Variants in TFDP2 observed in about 807,000 individuals in gnomAD.
TFDP2 encodes the protein transcription factor Dp-2.
Under a neutral mutation model 59.3 loss-of-function variants are expected in TFDP2, and 17 were observed. That is an observed-to-expected ratio of 0.29 (90% CI 0.20 to 0.43). The LOEUF is 0.43. Ranked by LOEUF, TFDP2 falls within the 20% of genes least tolerant of loss-of-function variation. The pLI is 1.00. For synonymous variants in TFDP2, 180 were observed against 194.7 expected (o/e 0.92, Z 0.63); for missense variants, 391 against 528.8 (o/e 0.74, Z 2.56).
At chr3:142,087,206 ACTGG>A (rs2060830811) in intron 3 of TFDP2, among the ~76,000 whole-genome samples, 2 of 152,238 alleles carry the variant, frequency 1.3e-5, no homozygotes, top group Non-Finnish European at 2.9e-5. Flanking sequence ...TCATGTGTCA[ACTGG>A]CAATGGGGAT....
intron 10 of TFDP2, among the ~76,000 whole-genome samples, chr3:141,960,392 C>G (rs971880959): frequency 6.6e-6 from 1 of 152,188 alleles, no homozygotes; most frequent in African/African-American, 2.4e-5. Flanking sequence ...ACATGTAATA[C>G]AAGCACGTTT....
intron 4 of TFDP2, among the ~76,000 whole-genome samples, chr3:141,996,310 A>G (rs1943269899): frequency 6.6e-6 from 1 of 152,218 alleles, no homozygotes; most frequent in Non-Finnish European, 1.5e-5. Flanking sequence ...GAATGGGGAT[A>G]TTAATGAAAC....
chr3:142,046,231 T>C (rs1051788561), intron 3 of TFDP2, among the ~76,000 whole-genome samples: 2 of 152,184 alleles, frequency 1.3e-5, no homozygotes, highest in South Asian at 4.1e-4. Context: ...CAGAATATAG[T>C]TCTCCCCTAG....
At chr3:142,063,420 A>G (rs1382914120) in intron 3 of TFDP2, among the ~76,000 whole-genome samples, 2 of 152,328 alleles carry the variant, frequency 1.3e-5, no homozygotes, top group East Asian at 1.9e-4. Context: ...CTACAAAATT[A>G]GCTATCATAT....
At chr3:142,115,919 C>A (rs572547851) in intron 1 of TFDP2, among the ~76,000 whole-genome samples, 64 of 152,200 alleles carry the variant, frequency 4.2e-4, no homozygotes, top group Non-Finnish European at 8.7e-4. Flanking sequence ...CTAGTGAAAT[C>A]CAAGTAGGAT....
intron 4 of TFDP2, among the ~76,000 whole-genome samples, chr3:141,996,305 G>C (rs867527172): frequency 6.6e-5 from 10 of 152,102 alleles, no homozygotes; most frequent in Non-Finnish European, 7.4e-5. Context: ...CCGGTGAATG[G>C]GGATATTAAT....
rs1306507508 is a variant in TFDP2, at chr3:141,952,679, C to T, written c.1175G>A (p.Cys392Tyr). Residue 392 changes from cysteine to tyrosine, a missense_variant, in exon 13 of 13, where the codon TGC becomes TAC. Coordinates refer to ENST00000489671, the MANE Select transcript of TFDP2 (RefSeq NM_001178139.2). The stretch of plus-strand genomic sequence containing the variant: ...TGCTAAGGCCACTTCTGCATCCAAG[C>T]ATAACCCTTGGTTTACACTAGCAAA... ...LPQSSVNQGLCLDAEVALATG... is the reference protein window; with the variant it reads ...LPQSSVNQGLYLDAEVALATG... 1 of 1,610,112 alleles carries T rather than the reference C, an allele frequency of 6.2e-7. No individual in the cohort carries two copies. Among genetic ancestry groups the T allele is most frequent in the Non-Finnish European group, 8.5e-7 (1 of 1,179,080 alleles).
intron 1 of TFDP2, among the ~76,000 whole-genome samples, chr3:142,134,041 GAA>G (rs756738906): frequency 8.6e-6 from 1 of 115,726 alleles, no homozygotes; most frequent in Non-Finnish European, 1.9e-5. Context: ...CTCCAGAAAA[GAA>G]AAAAAAAAAG....
chr3:142,058,806 G>C (rs2059824783), intron 3 of TFDP2, among the ~76,000 whole-genome samples: 1 of 152,072 alleles, frequency 6.6e-6, no homozygotes, highest in South Asian at 2.1e-4. Flanking sequence ...GTCATTTATG[G>C]GGTTTTATAG....
intron 9 of TFDP2, among the ~76,000 whole-genome samples, chr3:141,968,156 C>T (rs113027298): frequency 0.076 from 10,998 of 145,332 alleles, 515 homozygotes; most frequent in Non-Finnish European, 0.11. Flanking sequence ...TAGAATTCTA[C>T]AGGCAGGAGC....
intron 7 of TFDP2, 99 bp from the exon 8 acceptor site, chr3:141,974,290 G>A: frequency 1.9e-6 from 2 of 1,054,574 alleles, no homozygotes; most frequent in Non-Finnish European, 1.3e-6. Context: ...TCAAAGTGCT[G>A]GAAGGATTCT....
At chr3:142,038,139 C>T (rs967667115) in intron 3 of TFDP2, among the ~76,000 whole-genome samples, 2 of 152,256 alleles carry the variant, frequency 1.3e-5, no homozygotes, top group South Asian at 4.1e-4. Context: ...AATCCCAGCA[C>T]TCTGGGAGGC....
chr3:141,994,015 A>G (rs554585596), intron 5 of TFDP2, among the ~76,000 whole-genome samples: 14 of 152,368 alleles, frequency 9.2e-5, no homozygotes, highest in African/African-American at 3.4e-4. Context: ...TTTCAAGGCT[A>G]TAGAGAAATC....
chr3:142,026,100 G>A (rs6803884), intron 3 of TFDP2, among the ~76,000 whole-genome samples: 133,941 of 152,234 alleles, frequency 0.88, 59,198 homozygotes, highest in African/African-American at 0.97. Flanking sequence ...TCTCAAGGTC[G>A]GGAGATCGAG....
At chr3:141,965,584 A>AG in intron 9 of TFDP2, among the ~76,000 whole-genome samples, 1 of 146,144 alleles carries the variant, frequency 6.8e-6, no homozygotes, top group East Asian at 2.0e-4. Flanking sequence ...GGGAAGGGGA[A>AG]GGAAAGGGGA....
intron 1 of TFDP2, among the ~76,000 whole-genome samples, chr3:142,119,901 T>A (rs1305128627): frequency 7.0e-6 from 1 of 143,516 alleles, no homozygotes; most frequent in African/African-American, 2.6e-5. Context: ...ATACAAAAAA[T>A]TAGCTGGGCA....
intron 3 of TFDP2, among the ~76,000 whole-genome samples, chr3:142,028,111 G>A (rs1946223734): frequency 6.6e-6 from 1 of 152,160 alleles, no homozygotes; most frequent in South Asian, 2.1e-4. Flanking sequence ...GATTTCCAAG[G>A]ATCCTTGGGA....
intron 6 of TFDP2, among the ~76,000 whole-genome samples, chr3:141,992,062 A>AAAAG (rs779484853): frequency 2.1e-5 from 3 of 144,712 alleles, no homozygotes; most frequent in African/African-American, 7.4e-5. Context: ...AAAAAGAAAG[A>AAAAG]AAAGAAAGAA....
intron 1 of TFDP2, chr3:142,126,080 T>C (rs1308928865): frequency 6.6e-6 from 1 of 152,002 alleles, no homozygotes; most frequent in Non-Finnish European, 1.5e-5. Context: ...GTTTCTTCAA[T>C]AGTATAGAGA....
Sources: gnomAD v4.1 joint callset for allele counts (sites outside exome capture counted in the v4.1 genomes callset) on GRCh38, gnomAD v4.1.1 for gene constraint, MANE v1.5 for transcripts, NCBI Gene and HGNC (gene_info 2026-07-23, HGNC 2026-07-21) for gene names.